ZNF776: variants seen among roughly 807,000 people sequenced by gnomAD.
ZNF776 encodes the protein zinc finger protein 776.
A neutral mutation model predicts 7.0 loss-of-function variants in ZNF776; 4 were observed. That is an observed-to-expected ratio of 0.57 (90% CI 0.28 to 1.31). The LOEUF (loss-of-function observed/expected upper bound fraction) is 1.31. Ranked by LOEUF, ZNF776 falls within the 50% of genes most tolerant of loss-of-function variation. The probability of loss-of-function intolerance (pLI) is 0.10; values close to 1 mark genes in which losing one functional copy is unlikely to be tolerated. For missense variants in ZNF776, 555 were observed against 625.9 expected, an observed-to-expected ratio of 0.89 and a Z score of 1.21; for synonymous variants, 212 against 213.7, an observed-to-expected ratio of 0.99 and a Z score of 0.07.
chr19:57,749,339 A>G (rs1986536529), intron 1 of ZNF776: 1 of 152,252 alleles, frequency 6.6e-6, no homozygotes, highest in Admixed American at 6.5e-5. Flanking sequence ...AGGGTAAGCC[A>G]TTGTAGCACA....
rs375490927 is a variant in ZNF776, at chr19:57,753,656, A to G, written c.526A>G (p.Ser176Gly). 7 of 1,614,016 alleles carry G rather than the reference A, an allele frequency of 4.3e-6. No individual in the cohort carries two copies. Among genetic ancestry groups the G allele is most frequent in the Non-Finnish European group, 5.1e-6 (6 of 1,180,016 alleles). The change falls in exon 3 of 3, where the codon AGC (serine) becomes GGC (glycine). Residue 176 changes from serine to glycine, a missense_variant. Coordinates refer to ENST00000317178, the MANE Select transcript of ZNF776 (RefSeq NM_173632.4). ...FHEVGKDFLS[S>G]LRLLQQEDIH... ...TGAGGTTGGGAAAGACTTTTTGTCC[A>G]GCTTGAGATTACTCCAACAAGAGGA...
At position 57,753,986 on chromosome 19, in the gene ZNF776, C is replaced by G; in HGVS notation, c.856C>G (p.His286Asp). 1.2e-6 allele frequency: 2 copies of G among 1,614,218 alleles called. No individual in the cohort carries two copies. The highest frequency in any genetic ancestry group is 1.7e-6 in the Non-Finnish European group (2 of 1,180,048). Residue 286 changes from histidine (H) to aspartate (D), a missense_variant, in exon 3 of 3, where the codon CAC (histidine) becomes GAC (aspartate). Physicochemically the swap from His to Asp is moderately conservative, Grantham distance 81 (BLOSUM62 -1). Coordinates refer to ENST00000317178, the MANE Select transcript of ZNF776 (RefSeq NM_173632.4). The part of the protein sequence containing the change: ...KAHLTEHQRV[H>D]TGERPYECGE... ...CCACCTCACTGAACACCAGAGAGTT[C>G]ACACTGGAGAAAGACCTTATGAGTG...
At chr19:57,748,405 A>G (rs1986501520) in intron 1 of ZNF776, among the ~76,000 whole-genome samples, 1 of 152,212 alleles carries the variant, frequency 6.6e-6, no homozygotes, top group South Asian at 2.1e-4. Flanking sequence ...GGCCATATGA[A>G]GAGTCAGAGA....
rs1288912992 is a variant in ZNF776, at chr19:57,753,826, A to G, written c.696A>G (p.Arg232=). The G allele has an allele frequency of 6.2e-7, 1 of 1,614,232 alleles. No individual in the cohort carries two copies. Among genetic ancestry groups the G allele is most frequent in the Admixed American group, 1.7e-5 (1 of 60,032 alleles). The change falls in exon 3 of 3, where the codon AGA becomes AGG. Residue 232 remains arginine, a synonymous_variant. Transcript: ENST00000317178. ...SLVLHQRLLP[R]EGPYVCSDSG... ...TCCTTCACCAGAGACTTCTCCCTAG[A>G]GAAGGACCTTATGTATGCAGTGATT... is the stretch of plus-strand genomic sequence containing the variant.
At position 57,753,481 on chromosome 19, in the gene ZNF776, G is replaced by T; in HGVS notation, c.351G>T (p.Gly117=). 1 of 1,614,066 alleles carries T rather than the reference G, an allele frequency of 6.2e-7. No homozygotes were observed. The highest frequency in any genetic ancestry group is 8.5e-7 in the Non-Finnish European group (1 of 1,180,012). ...ACAATCAGAAATTGAATGGGTTTGG[G>T]GCATATGAAAAAAAATTGGATGACG... ...TQHNQKLNGF[G]AYEKKLDDDA... The change falls in exon 3 of 3, where the codon GGG becomes GGT. Residue 117 remains glycine, a synonymous_variant. Transcript: ENST00000317178.
At chr19:57,747,818 T>C (rs1986482793) in intron 1 of ZNF776, among the ~76,000 whole-genome samples, 1 of 150,262 alleles carries the variant, frequency 6.7e-6, no homozygotes, top group Non-Finnish European at 1.5e-5. Flanking sequence ...GCTCTTTAGA[T>C]TGGGATGTCC....
rs1267182005 is a variant in ZNF776 at position 57,747,109 on chromosome 19, C to T, written c.33+18C>T. The T allele has an allele frequency of 1.3e-6, 2 of 1,583,700 alleles. No homozygotes were observed. Among genetic ancestry groups the T allele is most frequent in the East Asian group, 2.3e-5 (1 of 42,968 alleles). On this transcript the variant is annotated intron_variant, in intron 1 of 2. Transcript: ENST00000317178. ...CGGCTCAGGTAATTGTGGCGTCTTC[C>T]GTGCCCTCAGGTCACCTCATCTTTA...
Position 57,754,223 on chromosome 19 carries a change from C to T in ZNF776, c.1093C>T (p.Gln365Ter), listed in dbSNP as rs1424411398. 3 of 1,613,122 alleles carry T rather than the reference C, an allele frequency of 1.9e-6. No homozygotes were observed. The highest frequency in any genetic ancestry group is 1.1e-5 in the South Asian group (1 of 91,000). The change falls in exon 3 of 3, where the codon CAG becomes TAG. Residue 365 changes from glutamine to a stop codon, truncating the protein, a stop_gained. Transcript: ENST00000317178. LOFTEE classifies it low-confidence loss of function (END_TRUNC). ...KSFNHKCNLI[Q>*]HQRVHTGERP... is the part of the protein sequence containing the mutation. ...GTTTAATCACAAGTGCAACCTCATTCAGCATCAGCGAGTTCACACTGGAGA... is the reference window on the plus strand; with the variant it reads ...GTTTAATCACAAGTGCAACCTCATTTAGCATCAGCGAGTTCACACTGGAGA...
intron 1 of ZNF776, 133 bp from the exon 2 acceptor site, chr19:57,750,652 C>T: frequency 1.7e-6 from 2 of 1,202,492 alleles, no homozygotes; most frequent in Non-Finnish European, 1.1e-6. Flanking sequence ...CCAGTGAGCC[C>T]ATGAGAAGAT....
Position 57,746,867 on chromosome 19 carries a change from T to C in ZNF776, c.-192T>C, listed in dbSNP as rs990790477. On this transcript the variant is annotated 5_prime_UTR_variant, in exon 1 of 3. Transcript: ENST00000317178. The stretch of plus-strand genomic sequence containing the variant: ...TATTTTCCAGTGAGAGACCGCGGAG[T>C]GTTGGGTCGTGTAGAAGTGACTGAA... 16 of 502,940 alleles carry C rather than the reference T, an allele frequency of 3.2e-5. No homozygotes were observed. The highest frequency in any genetic ancestry group is 7.7e-5 in the African/African-American group (4 of 51,744). The allele number at this position is 502,940 out of a possible 1,614,324, so 31.2% of individuals were successfully genotyped here. A position where few individuals can be genotyped will look rare whatever the true frequency, so the allele number is the denominator to read the frequency against.
chr19:57,753,461 C>T lies in ZNF776; in HGVS notation c.331C>T (p.Gln111Ter). The change falls in exon 3 of 3, where the codon CAG (glutamine) becomes TAG (stop). Residue 111 changes from glutamine (Q) to a stop codon, truncating the protein, a stop_gained. Transcript: ENST00000317178. LOFTEE classifies it low-confidence loss of function (END_TRUNC). The stretch of plus-strand genomic sequence containing the variant: ...CTTACACCAGGGAACACAACACAAT[C>T]AGAAATTGAATGGGTTTGGGGCATA... The part of the protein sequence containing the change: ...DILHQGTQHN[Q>*]KLNGFGAYEK... 6.2e-7 allele frequency: 1 copy of T among 1,614,102 alleles called. No individual in the cohort carries two copies.
chr19:57,747,449 A>G (rs564443062), intron 1 of ZNF776, among the ~76,000 whole-genome samples: 1 of 152,322 alleles, frequency 6.6e-6, no homozygotes, highest in African/African-American at 2.4e-5. Context: ...CAACAAAGGA[A>G]GGAAAAGATC....
intron 1 of ZNF776, among the ~76,000 whole-genome samples, chr19:57,748,730 C>T (rs554642530): frequency 1.1e-4 from 16 of 151,956 alleles, no homozygotes; most frequent in Non-Finnish European, 1.9e-4. Context: ...TGACAGGGGA[C>T]ATAGACTTTC....
intron 2 of ZNF776, among the ~76,000 whole-genome samples, chr19:57,751,955 T>C (rs1341433543): frequency 8.0e-6 from 1 of 125,492 alleles, no homozygotes; most frequent in African/African-American, 2.9e-5. Flanking sequence ...CACTGCAACC[T>C]CCGCTTCCCA....
intron 1 of ZNF776, among the ~76,000 whole-genome samples, chr19:57,750,339 A>G (rs1157793786): frequency 6.6e-6 from 1 of 151,780 alleles, no homozygotes; most frequent in East Asian, 1.9e-4. Flanking sequence ...GGCTAAGGCC[A>G]GAGAATTACT....
chr19:57,751,714 C>T (rs1185994589), intron 2 of ZNF776, among the ~76,000 whole-genome samples: 1 of 149,414 alleles, frequency 6.7e-6, no homozygotes, highest in Non-Finnish European at 1.5e-5. Context: ...GTTTCACTGT[C>T]ATCCAGGCTG....
intron 2 of ZNF776, among the ~76,000 whole-genome samples, chr19:57,751,366 T>C (rs1412083441): frequency 2.5e-5 from 1 of 40,756 alleles, no homozygotes; most frequent in African/African-American, 5.6e-5. Flanking sequence ...TTGTTTTGTT[T>C]TGTTCTGTTT....
intron 1 of ZNF776, among the ~76,000 whole-genome samples, chr19:57,748,932 A>T (rs533944663): frequency 6.1e-4 from 93 of 151,476 alleles, no homozygotes; most frequent in Non-Finnish European, 1.1e-3. Context: ...CTGTGACAGT[A>T]GGTCTTGGGC....
intron 2 of ZNF776, among the ~76,000 whole-genome samples, chr19:57,751,360 TTTGTTTTG>T (rs1280407043): frequency 3.6e-5 from 4 of 111,058 alleles, no homozygotes; most frequent in Non-Finnish European, 8.3e-5. Context: ...TCTTGTTTGT[TTTGTTTTG>T]TTCTGTTTTG....
Sources: gnomAD v4.1 joint callset for allele counts (sites outside exome capture counted in the v4.1 genomes callset) on GRCh38, gnomAD v4.1.1 for gene constraint, MANE v1.5 for transcripts, NCBI Gene and HGNC (gene_info 2026-07-23, HGNC 2026-07-21) for gene names.